Variants in HTR7 observed in about 807,000 individuals in gnomAD.
The protein encoded by HTR7 is 5-hydroxytryptamine receptor 7, also known as 5-HT-7.
HTR7 carries 16 observed loss-of-function variants against 34.0 expected under a neutral mutation model. The ratio of observed to expected loss-of-function variants is 0.47; its 90% CI spans 0.32 to 0.71. HTR7 has a LOEUF of 0.71. Ranked by LOEUF, HTR7 falls within the 30% of genes least tolerant of loss-of-function variation. The pLI is 0.04. For synonymous variants in HTR7, 265 were observed against 260.2 expected (o/e 1.02, Z -0.18); for missense variants, 504 against 625.5 (o/e 0.81, Z 2.07).
intron 1 of HTR7, among the ~76,000 whole-genome samples, chr10:90,846,070 T>C (rs73315628): frequency 0.085 from 12,888 of 152,232 alleles, 588 homozygotes; most frequent in East Asian, 0.16. Flanking sequence ...ACAAGTTGAG[T>C]ATCCCTGATC....
intron 1 of HTR7, among the ~76,000 whole-genome samples, chr10:90,803,841 G>T (rs1845665452): frequency 6.6e-6 from 1 of 152,168 alleles, no homozygotes; most frequent in African/African-American, 2.4e-5. Context: ...AAAATACTGG[G>T]TAGGAGAGGG....
intron 1 of HTR7, among the ~76,000 whole-genome samples, chr10:90,829,735 C>T (rs534834374): frequency 2.7e-4 from 41 of 152,184 alleles, no homozygotes; most frequent in African/African-American, 9.1e-4. Flanking sequence ...AAACTCCACA[C>T]GCAAAACAAA....
chr10:90,823,317 A>G (rs11186323), intron 1 of HTR7, among the ~76,000 whole-genome samples: 24,915 of 152,218 alleles, frequency 0.16, 2,045 homozygotes, highest in African/African-American at 0.18. Flanking sequence ...TTGTGTCAGT[A>G]TGGCCTACAA....
At chr10:90,827,565 A>G (rs753134407) in intron 1 of HTR7, among the ~76,000 whole-genome samples, 2 of 152,258 alleles carry the variant, frequency 1.3e-5, no homozygotes, top group Admixed American at 1.3e-4. Context: ...AAAACCAAAA[A>G]GAGGAAGAGT....
At chr10:90,743,756 C>T (rs769003462) in intron 2 of HTR7, 66 bp from the exon 3 acceptor site, 4 of 1,218,522 alleles carry the variant, frequency 3.3e-6, no homozygotes, top group Non-Finnish European at 4.8e-6. Context: ...AAAAAGAATC[C>T]TTGATTATAT....
In HTR7 at chr10:90,857,731, C is replaced by G. The variant is rs538343209; in HGVS notation, c.-60G>C. On this transcript the variant is annotated 5_prime_UTR_variant, in exon 1 of 4. Transcript: ENST00000336152. The surrounding 1 kb of genome is among the most constrained non-coding windows in gnomAD (Gnocchi z 6.5). ...GCCCCGGCCACGCGCCTCCGGCTGCCGGCCCCGGGGCTTCACCTCACCGGT... is the reference window on the plus strand; with the variant it reads ...GCCCCGGCCACGCGCCTCCGGCTGCGGGCCCCGGGGCTTCACCTCACCGGT... 2.7e-5 allele frequency: 38 copies of G among 1,400,508 alleles called. No individual in the cohort carries two copies. Among genetic ancestry groups the G allele is most frequent in the East Asian group, 2.3e-4 (8 of 34,442 alleles). The allele number at this position is 1,400,508 out of a possible 1,614,324, so 86.8% of individuals were successfully genotyped here.
intron 1 of HTR7, among the ~76,000 whole-genome samples, chr10:90,754,910 C>A (rs191641866): frequency 5.0e-4 from 76 of 152,276 alleles, no homozygotes; most frequent in African/African-American, 1.8e-3. Context: ...CCAGGAGATT[C>A]CTCCCTTGCA....
At chr10:90,747,961 A>G (rs576161342) in intron 2 of HTR7, among the ~76,000 whole-genome samples, 1 of 152,234 alleles carries the variant, frequency 6.6e-6, no homozygotes, top group South Asian at 2.1e-4. Context: ...TACAATGCCA[A>G]ATTTTTAACA....
chr10:90,798,036 G>T (rs1027426013), intron 1 of HTR7, among the ~76,000 whole-genome samples: 1 of 152,148 alleles, frequency 6.6e-6, no homozygotes, highest in Non-Finnish European at 1.5e-5. Context: ...GATGAGGGTA[G>T]ATCCCTCATG....
At chr10:90,853,303 T>A (rs1589484266) in intron 1 of HTR7, among the ~76,000 whole-genome samples, 1 of 137,176 alleles carries the variant, frequency 7.3e-6, no homozygotes. Context: ...TTTTTTTTTT[T>A]AAGACAGTGC....
chr10:90,821,134 GCA>G (rs3035231), intron 1 of HTR7, among the ~76,000 whole-genome samples: 29 of 150,252 alleles, frequency 1.9e-4, no homozygotes, highest in Middle Eastern at 3.4e-3. Context: ...ACACACACAT[GCA>G]CACACACACA....
intron 1 of HTR7, among the ~76,000 whole-genome samples, chr10:90,842,717 G>GAA (rs77219212): frequency 1.4e-4 from 20 of 142,748 alleles, no homozygotes; most frequent in African/African-American, 4.4e-4. Flanking sequence ...TTTATTTAGT[G>GAA]AAAAAAAAAA....
chr10:90,801,105 C>T (rs894129737), intron 1 of HTR7, among the ~76,000 whole-genome samples: 3 of 152,144 alleles, frequency 2.0e-5, no homozygotes, highest in Admixed American at 1.3e-4. Flanking sequence ...CCACAGAACT[C>T]CTCTAAAAAG....
At chr10:90,768,450 A>G (rs949881720) in intron 1 of HTR7, among the ~76,000 whole-genome samples, 1 of 151,850 alleles carries the variant, frequency 6.6e-6, no homozygotes, top group Non-Finnish European at 1.5e-5. Flanking sequence ...TTCATCCCCC[A>G]CCTCCAATAT....
At chr10:90,815,837 G>A (rs1463327677) in intron 1 of HTR7, among the ~76,000 whole-genome samples, 1 of 152,226 alleles carries the variant, frequency 6.6e-6, no homozygotes, top group African/African-American at 2.4e-5. Context: ...TCTGTACTTT[G>A]ATAGCCCTTT....
rs549320285 is a variant in HTR7, at chr10:90,830,440, T to G, written c.539+26693A>C. 2.1e-3 allele frequency among the ~76,000 whole-genome samples: 320 copies of G among 152,294 alleles called. 1 individual carries two copies. Among genetic ancestry groups the G allele is most frequent in the Middle Eastern group, 0.01 (3 of 294 alleles). ...CCTAAGAAAAGGCAAAAGTCATAGC[T>G]GAAAAGTTGCCTAAGTACAGCTGAG... On this transcript the variant is annotated intron_variant, in intron 1 of 3. Transcript: ENST00000336152.
At chr10:90,782,449 GGAT>G (rs887982619) in intron 1 of HTR7, among the ~76,000 whole-genome samples, 103 of 151,760 alleles carry the variant, frequency 6.8e-4, no homozygotes, top group African/African-American at 2.4e-3. Context: ...GTATAAATGG[GGAT>G]GATGATGATG....
At chr10:90,756,242 G>C (rs1413000526) in intron 1 of HTR7, among the ~76,000 whole-genome samples, 1 of 152,216 alleles carries the variant, frequency 6.6e-6, no homozygotes, top group Admixed American at 6.5e-5. Flanking sequence ...TTGGAGTTCT[G>C]AAAATGTTCT....
intron 1 of HTR7, among the ~76,000 whole-genome samples, chr10:90,754,040 A>T (rs895068721): frequency 5.3e-5 from 8 of 152,166 alleles, no homozygotes; most frequent in African/African-American, 1.9e-4. Context: ...TCTATGCTTG[A>T]TATTTTTGTA....
Sources: gnomAD v4.1 joint callset for allele counts (sites outside exome capture counted in the v4.1 genomes callset) on GRCh38, gnomAD v4.1.1 for gene constraint, Gnocchi (gnomAD v3.1) non-coding constraint, MANE v1.5 for transcripts, NCBI Gene and HGNC (gene_info 2026-07-23, HGNC 2026-07-21) for gene names.